Variants in MTOR observed in about 807,000 individuals in gnomAD.
MTOR encodes the protein mechanistic target of rapamycin kinase, also known as serine/threonine-protein kinase mTOR.
MTOR carries 70 observed loss-of-function variants against 319.8 expected under a neutral mutation model. That is an observed-to-expected ratio of 0.22 (90% confidence interval 0.18 to 0.27). The LOEUF is 0.27. Ranked by LOEUF, MTOR falls within the 10% of genes least tolerant of loss-of-function variation. The probability of loss-of-function intolerance (pLI) is 1.00; values close to 1 mark genes in which losing one functional copy is unlikely to be tolerated. For missense variants in MTOR, 1,890 were observed against 3,274.4 expected (o/e 0.58, Z 10.32); for synonymous variants, 1,183 against 1,211.4 (o/e 0.98, Z 0.49).
intron 28 of MTOR, among the ~76,000 whole-genome samples, chr1:11,175,589 A>C (rs1246516786): frequency 1.3e-5 from 2 of 152,162 alleles, no homozygotes; most frequent in Non-Finnish European, 2.9e-5. Context: ...CTTGTTCCCA[A>C]GGCAGGGCAA....
In MTOR at chr1:11,232,544, G is replaced by C. The variant is rs1196929808; in HGVS notation, c.2422-16C>G. ...GGCCACTAACCTGCAAAATGAAAAA[G>C]AGGGTGGCAGAAAGGGTTAGAAATT... On this transcript the variant is annotated splice_polypyrimidine_tract_variant and intron_variant, in intron 15 of 57. Coordinates refer to ENST00000361445, the MANE Select transcript of MTOR (RefSeq NM_004958.4). 1 of 1,605,800 alleles carries C rather than the reference G, an allele frequency of 6.2e-7. No individual in the cohort carries two copies. The highest frequency in any genetic ancestry group is 8.5e-7 in the Non-Finnish European group (1 of 1,173,136).
Position 11,161,545 on chromosome 1 carries a change from G to A in MTOR, c.4330-4254C>T, listed in dbSNP as rs1250075130. Among the ~76,000 whole-genome samples the A allele has an allele frequency of 3.9e-5, 6 of 152,130 alleles. No individual in the cohort carries two copies. The South Asian group carries it at 6.2e-4, about 16-fold the overall frequency. On this transcript the variant is annotated intron_variant, in intron 29 of 57. Transcript: ENST00000361445. The stretch of plus-strand genomic sequence containing the variant: ...TGGGAGGCACCTCCCAGTAGGGGCC[G>A]ACTGACACCTCACACGGCTGGGTGC...
chr1:11,126,562 AGG>A, intron 46 of MTOR, 58 bp downstream of exon 46: 1 of 1,543,490 alleles, frequency 6.5e-7, no homozygotes, highest in South Asian at 1.2e-5. Flanking sequence ...AGAAGAGGGA[AGG>A]GGTCTCAGCC....
intron 54 of MTOR, 81 bp downstream of exon 54, chr1:11,112,771 C>G (rs1441987824): frequency 3.5e-6 from 5 of 1,425,212 alleles, no homozygotes; most frequent in Non-Finnish European, 4.0e-6. Context: ...CGGGATGCAC[C>G]CACCGACTGA....
intron 47 of MTOR, 74 bp from the exon 48 acceptor site, chr1:11,122,200 G>A (rs1308439451): frequency 1.3e-6 from 2 of 1,532,770 alleles, no homozygotes; most frequent in East Asian, 2.3e-5. Context: ...AACACAGGCA[G>A]ACTGTTTTTT....
intron 20 of MTOR, among the ~76,000 whole-genome samples, chr1:11,215,596 T>C (rs905407537): frequency 6.6e-6 from 1 of 152,168 alleles, no homozygotes; most frequent in African/African-American, 2.4e-5. Context: ...AAAAATGATA[T>C]TGCCCATGGG....
At position 11,228,867 on chromosome 1, in the gene MTOR, T is replaced by G; in HGVS notation, c.2831A>C (p.Asp944Ala). The change falls in exon 19 of 58, where the codon GAT becomes GCT. Residue 944 changes from aspartate to alanine, a missense_variant. Asp to Ala is a moderately radical substitution (Grantham distance 126, BLOSUM62 -2). Around this residue, in one of 15 missense-constraint regions of MTOR, gnomAD observed 377 missense variants for 653.9 expected, o/e 0.58. Coordinates refer to ENST00000361445, the MANE Select transcript of MTOR (RefSeq NM_004958.4). ...CATGGACACAGCTGGGTAGAACTCATCCAGAGGCAAGTTTCCCATGTTGAC... is the reference window on the plus strand; with the variant it reads ...CATGGACACAGCTGGGTAGAACTCAGCCAGAGGCAAGTTTCCCATGTTGAC... ...MLVNMGNLPL[D>A]EFYPAVSMVA... The G allele has an allele frequency of 6.2e-7, 1 of 1,614,126 alleles. No individual in the cohort carries two copies.
chr1:11,109,180 G>T lies in MTOR; in HGVS notation c.7528+110C>A. On this transcript the variant is annotated intron_variant, in intron 56 of 57. Coordinates refer to ENST00000361445, the MANE Select transcript of MTOR (RefSeq NM_004958.4). The surrounding 1 kb of genome is among the most constrained non-coding windows in gnomAD (Gnocchi z 4.0). ...CAAAGACACTCTTTGTCAGCTGCATGGTGCCAAAGCTCGTCACTAACACCA... is the reference window on the plus strand; with the variant it reads ...CAAAGACACTCTTTGTCAGCTGCATTGTGCCAAAGCTCGTCACTAACACCA... The T allele has an allele frequency of 1.1e-6, 1 of 875,538 alleles. No homozygotes were observed. The highest frequency in any genetic ancestry group is 1.8e-6 in the Non-Finnish European group (1 of 550,514). 54.2% of individuals were successfully genotyped at this position (875,538 alleles called of 1,614,324 possible).
Position 11,142,002 on chromosome 1 carries a change from A to AAAAT in MTOR, c.4873-2348_4873-2345dup, listed in dbSNP as rs560419647. Among the ~76,000 whole-genome samples the AAAAT allele has an allele frequency of 1.7e-3, 259 of 151,342 alleles. 1 individual carries two copies. The highest frequency in any genetic ancestry group is 0.014 in the South Asian group (69 of 4,806). On this transcript the variant is annotated intron_variant, in intron 34 of 57. Transcript: ENST00000361445. ...GGGGACTCAGCGAGACTCCGTCTCA[A>AAAAT]AAATAAATAAATAAATAAATAAATA... is the stretch of plus-strand genomic sequence containing the variant.
intron 28 of MTOR, among the ~76,000 whole-genome samples, chr1:11,184,496 G>A (rs939277326): frequency 2.6e-5 from 4 of 152,164 alleles, no homozygotes; most frequent in Non-Finnish European, 5.9e-5. Context: ...CACTTCGGGA[G>A]GTTGAGATGG....
chr1:11,212,478 C>T lies in MTOR; in HGVS notation c.3399-4G>A. ...GTCCACAGTCTCTAGCGCTGCCCTACAACAATCACTAACATACAGTAACTG... is the reference window on the plus strand; with the variant it reads ...GTCCACAGTCTCTAGCGCTGCCCTATAACAATCACTAACATACAGTAACTG... On this transcript the variant is annotated splice_polypyrimidine_tract_variant and splice_region_variant and intron_variant, in intron 22 of 57. Coordinates refer to ENST00000361445, the MANE Select transcript of MTOR (RefSeq NM_004958.4). This position sits in a 1 kb window ranked among gnomAD's most constrained non-coding sequence, Gnocchi z 4.1. 2 of 1,611,682 alleles carry T rather than the reference C, an allele frequency of 1.2e-6. No homozygotes were observed. The highest frequency in any genetic ancestry group is 1.7e-6 in the Non-Finnish European group (2 of 1,179,180).
At chr1:11,247,551 T>C in intron 8 of MTOR, 74 bp downstream of exon 8, 1 of 1,331,580 alleles carries the variant, frequency 7.5e-7, no homozygotes, top group South Asian at 1.2e-5. Context: ...GGAAAAGATA[T>C]TTGGCTTTTC....
Position 11,230,949 on chromosome 1 carries a change from C to T in MTOR, c.2755G>A (p.Glu919Lys), listed in dbSNP as rs2100865919. The change falls in exon 18 of 58, where the codon GAA becomes AAA. Residue 919 changes from glutamate (E) to lysine (K), a missense_variant. By Grantham distance (56) the Glu-to-Lys change is moderately conservative. Coordinates refer to ENST00000361445, the MANE Select transcript of MTOR (RefSeq NM_004958.4). ...CAGGAATCCTGACTTGACTTGGATT[C>T]TGACAGGCTGACAGCAGAGGCATCC... ...SRDASAVSLS[E>K]SKSSQDSSDY... The T allele has an allele frequency of 6.2e-7, 1 of 1,614,072 alleles. No individual in the cohort carries two copies. The highest frequency in any genetic ancestry group is 8.5e-7 in the Non-Finnish European group (1 of 1,180,018).
Position 11,109,818 on chromosome 1 carries a change from C to T in MTOR, c.7367-89G>A. Reference sequence around the variant, plus strand: ...ATCTAATTCTCTACGCACTCTATTCCTTTAACGCCTGCCCTACCTACCCTA... The same window carrying T: ...ATCTAATTCTCTACGCACTCTATTCTTTTAACGCCTGCCCTACCTACCCTA... On this transcript the variant is annotated intron_variant, in intron 54 of 57. Coordinates refer to ENST00000361445, the MANE Select transcript of MTOR (RefSeq NM_004958.4). The surrounding 1 kb of genome is among the most constrained non-coding windows in gnomAD (Gnocchi z 4.0). The T allele has an allele frequency of 9.1e-7, 1 of 1,096,258 alleles. No homozygotes were observed. Among genetic ancestry groups the T allele is most frequent in the Non-Finnish European group, 1.4e-6 (1 of 716,570 alleles). 67.9% of individuals were successfully genotyped at this position (1,096,258 alleles called of 1,614,324 possible). A position where few individuals can be genotyped will look rare whatever the true frequency, so the allele number is the denominator to read the frequency against.
chr1:11,257,714 A>G lies in MTOR; in HGVS notation c.272-549T>C, dbSNP rs903570080. Among the ~76,000 whole-genome samples, 91 of 152,314 alleles carry G rather than the reference A, an allele frequency of 6.0e-4. 1 individual carries two copies. Among genetic ancestry groups the G allele is most frequent in the Non-Finnish European group, 4.6e-4 (31 of 68,030 alleles). Reference sequence around the variant, plus strand: ...AGAAATATTTACATAAAGCAAAATAATCTCATGCTAGTATAATTTTCTCCC... The same window carrying G: ...AGAAATATTTACATAAAGCAAAATAGTCTCATGCTAGTATAATTTTCTCCC... On this transcript the variant is annotated intron_variant, in intron 3 of 57. Coordinates refer to ENST00000361445, the MANE Select transcript of MTOR (RefSeq NM_004958.4).
chr1:11,144,576 A>AG, intron 34 of MTOR, 72 bp downstream of exon 34: 3 of 1,286,478 alleles, frequency 2.3e-6, no homozygotes, highest in Non-Finnish European at 2.2e-6. Context: ...GCCAGGGTGG[A>AG]GGGGGGCACT....
rs78285758 is a variant in MTOR, at chr1:11,154,262, T to C, written c.4469+2890A>G. 1.1e-3 allele frequency among the ~76,000 whole-genome samples: 157 copies of C among 149,354 alleles called. 4 individuals carry two copies. The East Asian group carries it at 0.023, about 21-fold the overall frequency. ...GACATGCTTCCTAAATTTATTGAGGTAAATGAACATGGAATTTTTGTTGTT... is the reference window on the plus strand; with the variant it reads ...GACATGCTTCCTAAATTTATTGAGGCAAATGAACATGGAATTTTTGTTGTT... On this transcript the variant is annotated intron_variant, in intron 30 of 57. Transcript: ENST00000361445.
At chr1:11,141,662 C>G (rs983865592) in intron 34 of MTOR, among the ~76,000 whole-genome samples, 10 of 150,558 alleles carry the variant, frequency 6.6e-5, no homozygotes, top group African/African-American at 2.4e-4. Context: ...AGCCACTGTG[C>G]CTGGCCACAA....
intron 28 of MTOR, among the ~76,000 whole-genome samples, chr1:11,198,125 C>T (rs1413781963): frequency 6.6e-6 from 1 of 152,184 alleles, no homozygotes; most frequent in Admixed American, 6.5e-5. Context: ...AGTGATCATA[C>T]TTAGTTACCG....
Sources: allele counts gnomAD v4.1 joint callset (sites outside exome capture counted in the v4.1 genomes callset), GRCh38; gene constraint gnomAD v4.1.1; regional missense constraint gnomAD v4.1.1; non-coding constraint Gnocchi (gnomAD v3.1); transcripts MANE v1.5; gene names NCBI Gene and HGNC (gene_info 2026-07-23, HGNC 2026-07-21).